Variants in MAT2B observed in about 807,000 individuals in gnomAD.
MAT2B encodes the protein methionine adenosyltransferase 2 subunit beta.
MAT2B carries 16 observed loss-of-function variants against 36.1 expected under a neutral mutation model. That is an observed-to-expected ratio of 0.44 (90% CI 0.30 to 0.67). The LOEUF is 0.67. Among genes scored for constraint, MAT2B ranks in the 30% least tolerant of loss-of-function variants. The pLI is 0.09. For missense variants in MAT2B, 332 were observed against 398.2 expected, an observed-to-expected ratio of 0.83 and a Z score of 1.42; for synonymous variants, 148 against 136.9, an observed-to-expected ratio of 1.08 and a Z score of -0.57.
chr5:163,518,128 A>G, intron 6 of MAT2B, 65 bp from the exon 7 acceptor site: 1 of 1,190,550 alleles, frequency 8.4e-7, no homozygotes, highest in Non-Finnish European at 1.2e-6. Flanking sequence ...GTCAGGGGGA[A>G]CAAAGCCCTC....
At chr5:163,503,511 T>C, upstream of MAT2B, 3 of 1,236,286 alleles carry the variant, frequency 2.4e-6, no homozygotes, top group Middle Eastern at 1.9e-4. Context: ...AAAACCAGAA[T>C]TGTTGTGTAA....
Position 163,505,631 on chromosome 5 carries a change from G to T in MAT2B, c.-56G>T, listed in dbSNP as rs1016003906. ...GGGCGTCTGAGCTGAGGCCCGCGTC[G>T]ATCCTGGGTTGGAGGAGGTGGCGGC... is the stretch of plus-strand genomic sequence containing the variant. On this transcript the variant is annotated 5_prime_UTR_variant, in exon 1 of 7. Transcript: ENST00000321757. The T allele has an allele frequency of 3.2e-6, 4 of 1,253,356 alleles. No homozygotes were observed. The highest frequency in any genetic ancestry group is 4.0e-6 in the Non-Finnish European group (4 of 990,638). 77.6% of individuals were successfully genotyped at this position (1,253,356 alleles called of 1,614,324 possible). A position where few individuals can be genotyped will look rare whatever the true frequency, so the allele number is the denominator to read the frequency against.
chr5:163,516,775 T>C, intron 5 of MAT2B, 64 bp downstream of exon 5: 2 of 1,561,602 alleles, frequency 1.3e-6, no homozygotes, highest in Non-Finnish European at 1.8e-6. Context: ...TGCTTGAACT[T>C]TCACAGCTGT....
chr5:163,513,623 C>G lies in MAT2B; in HGVS notation c.327C>G (p.Ala109=). The change falls in exon 3 of 7, where the codon GCC becomes GCG. Residue 109 remains alanine (A), a synonymous_variant. Transcript: ENST00000321757. ...TTGTAGAAAATCAGCCAGATGCTGC[C>G]TCTCAACTTAATGTGGATGCTTCTG... ...PDVVENQPDA[A]SQLNVDASGN... 1 of 1,613,954 alleles carries G rather than the reference C, an allele frequency of 6.2e-7. No individual in the cohort carries two copies. The highest frequency in any genetic ancestry group is 8.5e-7 in the Non-Finnish European group (1 of 1,179,910).
intron 2 of MAT2B, 124 bp downstream of exon 2, chr5:163,512,320 T>A: frequency 2.4e-6 from 2 of 835,548 alleles, no homozygotes; most frequent in Non-Finnish European, 3.9e-6. Flanking sequence ...TATTATGCAG[T>A]AGCATTTTTT....
At chr5:163,512,498 A>T in intron 2 of MAT2B, 1 of 431,210 alleles carries the variant, frequency 2.3e-6, no homozygotes, top group Non-Finnish European at 4.3e-6. Flanking sequence ...ACAACACTGC[A>T]AAATAGTTAT....
chr5:163,512,399 G>T (rs573356368), intron 2 of MAT2B: 5 of 587,728 alleles, frequency 8.5e-6, no homozygotes, highest in African/African-American at 7.5e-5. Context: ...AGACAAATAT[G>T]AGACATTTTA....
In MAT2B at chr5:163,518,267, G is replaced by A. The variant is rs1287398449; in HGVS notation, c.909G>A (p.Leu303=). ...TTGACTGCTCCAAATTGGAGACCTT[G>A]GGCATTGGCCAACGAACACCATTTC... ...AQLDCSKLET[L]GIGQRTPFRI... is the part of the protein sequence containing the mutation. Residue 303 remains leucine, a synonymous_variant, in exon 7 of 7, where the codon TTG becomes TTA. Coordinates refer to ENST00000321757, the MANE Select transcript of MAT2B (RefSeq NM_013283.5). 4.3e-6 allele frequency: 7 copies of A among 1,613,780 alleles called. No homozygotes were observed. The highest frequency in any genetic ancestry group is 5.9e-6 in the Non-Finnish European group (7 of 1,179,892).
intron 6 of MAT2B, 105 bp downstream of exon 6, chr5:163,517,779 G>C (rs1760156094): frequency 1.5e-6 from 1 of 668,732 alleles, no homozygotes; most frequent in Non-Finnish European, 2.7e-6. Context: ...AACTTTGCTT[G>C]TATGCTGGCT....
chr5:163,506,710 A>G (rs1759948203), intron 1 of MAT2B, among the ~76,000 whole-genome samples: 2 of 152,248 alleles, frequency 1.3e-5, no homozygotes, highest in Non-Finnish European at 2.9e-5. Flanking sequence ...TAGGTCCTCC[A>G]GACCGTGCTG....
At chr5:163,511,513 G>T (rs575563031) in intron 1 of MAT2B, among the ~76,000 whole-genome samples, 173 of 140,544 alleles carry the variant, frequency 1.2e-3, no homozygotes, top group African/African-American at 4.4e-3. Context: ...GAACTCCTGG[G>T]CTCAAGTGAT....
chr5:163,509,357 C>T (rs1196166091), intron 1 of MAT2B, among the ~76,000 whole-genome samples: 2 of 151,990 alleles, frequency 1.3e-5, no homozygotes, highest in Non-Finnish European at 2.9e-5. Flanking sequence ...TTTTGTTTTC[C>T]TTGTGTAAGA....
intron 1 of MAT2B, among the ~76,000 whole-genome samples, chr5:163,507,677 T>G (rs927202446): frequency 7.9e-5 from 12 of 152,228 alleles, no homozygotes; most frequent in African/African-American, 2.9e-4. Flanking sequence ...CTAAAATAAT[T>G]TATGGAGTGC....
chr5:163,513,830 C>A lies in MAT2B; in HGVS notation c.374-12C>A, dbSNP rs763277709. 6.2e-7 allele frequency: 1 copy of A among 1,601,174 alleles called. No homozygotes were observed. The highest frequency in any genetic ancestry group is 1.3e-5 in the African/African-American group (1 of 74,168). On this transcript the variant is annotated splice_polypyrimidine_tract_variant and intron_variant, in intron 3 of 6. Coordinates refer to ENST00000321757, the MANE Select transcript of MAT2B (RefSeq NM_013283.5). ...TGTAAACATTTAATAGATTTGTCTT[C>A]TTTTTTTGTAGCTGCTGTTGGAGCA...
intron 6 of MAT2B, 193 bp from the exon 7 acceptor site, chr5:163,518,000 C>G: frequency 1.9e-6 from 1 of 525,602 alleles, no homozygotes; most frequent in Non-Finnish European, 3.3e-6. Context: ...TGCCTGTAAT[C>G]CCAACACTTT....
Position 163,505,635 on chromosome 5 carries a change from C to T in MAT2B, c.-52C>T, listed in dbSNP as rs1413760924. 7 of 1,255,324 alleles carry T rather than the reference C, an allele frequency of 5.6e-6. No homozygotes were observed. The highest frequency in any genetic ancestry group is 3.1e-5 in the African/African-American group (2 of 64,818). The allele number at this position is 1,255,324 out of a possible 1,614,324, so 77.8% of individuals were successfully genotyped here. A position where few individuals can be genotyped will look rare whatever the true frequency, so the allele number is the denominator to read the frequency against. On this transcript the variant is annotated 5_prime_UTR_variant, in exon 1 of 7. Coordinates refer to ENST00000321757, the MANE Select transcript of MAT2B (RefSeq NM_013283.5). ...GTCTGAGCTGAGGCCCGCGTCGATC[C>T]TGGGTTGGAGGAGGTGGCGGCCGCT...
intron 1 of MAT2B, among the ~76,000 whole-genome samples, chr5:163,507,436 T>TG (rs1283499850): frequency 1.3e-5 from 2 of 152,218 alleles, no homozygotes; most frequent in African/African-American, 4.8e-5. Context: ...TCTGGTCCCT[T>TG]GGAGTGATTG....
chr5:163,504,615 C>T (rs1207332158), upstream of MAT2B, among the ~76,000 whole-genome samples: 1 of 152,200 alleles, frequency 6.6e-6, no homozygotes, highest in African/African-American at 2.4e-5. Context: ...ACACAAGAAC[C>T]CTTGGACTGT....
At chr5:163,513,269 C>T in intron 2 of MAT2B, 1 of 253,752 alleles carries the variant, frequency 3.9e-6, no homozygotes, top group Admixed American at 4.9e-5. Flanking sequence ...GGATTACATG[C>T]ATGAACCGTC....
Sources: gnomAD v4.1 joint callset for allele counts (sites outside exome capture counted in the v4.1 genomes callset) on GRCh38, gnomAD v4.1.1 for gene constraint, MANE v1.5 for transcripts, NCBI Gene and HGNC (gene_info 2026-07-23, HGNC 2026-07-21) for gene names.